The following ZBTB8B variants were observed in gnomAD, a reference collection of about 807,000 sequenced individuals.
The protein encoded by ZBTB8B is zinc finger and BTB domain-containing protein 8B.
Under a neutral mutation model 30.3 loss-of-function variants are expected in ZBTB8B, and 17 were observed. The ratio of observed to expected loss-of-function variants is 0.56; its 90% CI spans 0.38 to 0.84. The LOEUF is 0.84. Ranked by LOEUF, ZBTB8B falls within the 40% of genes least tolerant of loss-of-function variation. ZBTB8B has a pLI of 0.00. For synonymous variants in ZBTB8B, 248 were observed against 255.6 expected (o/e 0.97, Z 0.28); for missense variants, 515 against 644.9 (o/e 0.80, Z 2.18).
chr1:32,496,502 T>C lies in ZBTB8B; in HGVS notation c.*11084T>C, dbSNP rs1053461379. ...TCTTGACCATTAAAAAAATAGCAAC[T>C]GATACCTTGTTTAACAAGTAAGACA... On this transcript the variant is annotated 3_prime_UTR_variant, in exon 4 of 4. Transcript: ENST00000609129. 3.9e-4 allele frequency: 59 copies of C among 152,326 alleles called. No individual in the cohort carries two copies. Among genetic ancestry groups the C allele is most frequent in the African/African-American group, 1.4e-3 (57 of 41,570 alleles). The allele number at this position is 152,326 out of a possible 1,614,324, so 9.4% of individuals were successfully genotyped here.
rs111793394 is a variant in ZBTB8B, at chr1:32,467,143, A to G, written c.-42+2038A>G. 9.2e-3 allele frequency among the ~76,000 whole-genome samples: 1,401 copies of G among 152,248 alleles called. 23 individuals are homozygous for G. Among genetic ancestry groups the G allele is most frequent in the African/African-American group, 0.031 (1,304 of 41,542 alleles). On this transcript the variant is annotated intron_variant, in intron 1 of 3. Coordinates refer to ENST00000609129, the MANE Select transcript of ZBTB8B (RefSeq NM_001145720.2). ...TGCACTCCAGCCTGGGTAACAAAGT[A>G]AGACCCCGTCTCAAAAGAAAAGAAA...
chr1:32,476,238 T>C (rs1313849200), intron 2 of ZBTB8B, among the ~76,000 whole-genome samples: 1 of 152,104 alleles, frequency 6.6e-6, no homozygotes, highest in African/African-American at 2.4e-5. Flanking sequence ...TGGGCTCAAG[T>C]GGTCCTCCTG....
At chr1:32,475,293 A>C (rs1287415034) in intron 2 of ZBTB8B, among the ~76,000 whole-genome samples, 3 of 152,204 alleles carry the variant, frequency 2.0e-5, no homozygotes, top group Non-Finnish European at 4.4e-5. Flanking sequence ...GATAAGACAC[A>C]AATGTGGGCC....
At chr1:32,481,863 G>A (rs886203027) in intron 3 of ZBTB8B, among the ~76,000 whole-genome samples, 3 of 152,056 alleles carry the variant, frequency 2.0e-5, no homozygotes, top group Non-Finnish European at 4.4e-5. Flanking sequence ...GTTGTATTTG[G>A]TTTTCTGTTC....
chr1:32,483,302 G>A (rs1192284312), intron 3 of ZBTB8B, among the ~76,000 whole-genome samples: 2 of 146,116 alleles, frequency 1.4e-5, no homozygotes, highest in East Asian at 4.0e-4. Context: ...GCACGCGCCT[G>A]TAGTCCCAGC....
chr1:32,475,479 G>A (rs1351240822), intron 2 of ZBTB8B, among the ~76,000 whole-genome samples: 5 of 152,116 alleles, frequency 3.3e-5, no homozygotes, highest in African/African-American at 9.7e-5. Context: ...CCAGCTACTC[G>A]GGAGGCTGAG....
Position 32,485,583 on chromosome 1 carries a change from C to T in ZBTB8B, c.*165C>T, listed in dbSNP as rs1487052905. 1.3e-6 allele frequency: 1 copy of T among 742,756 alleles called. No homozygotes were observed. The highest frequency in any genetic ancestry group is 1.8e-5 in the African/African-American group (1 of 56,340). The allele number at this position is 742,756 out of a possible 1,614,324, so 46.0% of individuals were successfully genotyped here. A position where few individuals can be genotyped will look rare whatever the true frequency, so the allele number is the denominator to read the frequency against. On this transcript the variant is annotated 3_prime_UTR_variant, in exon 4 of 4. Transcript: ENST00000609129. ...ATCTGATAGAGGTTGGATTTTGTGA[C>T]TCAAAGGACAGATAACCTTTTTGTG... is the stretch of plus-strand genomic sequence containing the variant.
Position 32,494,048 on chromosome 1 carries a change from C to CAAA in ZBTB8B, c.*8632_*8634dup, listed in dbSNP as rs1175931644. ...AAACCCCATCTCTACTAAAAATATA[C>CAAA]AAAATTAGCCTGTAATTCCAGCTAC... On this transcript the variant is annotated 3_prime_UTR_variant, in exon 4 of 4. Transcript: ENST00000609129. 1 of 151,510 alleles carries CAAA rather than the reference C, an allele frequency of 6.6e-6. No homozygotes were observed. The highest frequency in any genetic ancestry group is 1.5e-5 in the Non-Finnish European group (1 of 67,858). 9.4% of individuals were successfully genotyped at this position (151,510 alleles called of 1,614,324 possible).
In ZBTB8B at chr1:32,465,837, G is replaced by A. The variant is rs551511008; in HGVS notation, c.-42+732G>A. ...TCTCAGTTCCTCCTCTGAAAAAGAG[G>A]ATGTAGTTAGAGTATCTGTCGTACT... On this transcript the variant is annotated intron_variant, in intron 1 of 3. Transcript: ENST00000609129. The surrounding 1 kb of genome is among the most constrained non-coding windows in gnomAD (Gnocchi z 4.1). 3.9e-5 allele frequency among the ~76,000 whole-genome samples: 6 copies of A among 152,096 alleles called. No individual in the cohort carries two copies. Among genetic ancestry groups the A allele is most frequent in the Non-Finnish European group, 7.3e-5 (5 of 68,028 alleles).
At position 32,481,007 on chromosome 1, in the gene ZBTB8B, C is replaced by T. The variant is rs1643700529; in HGVS notation, c.1108C>T (p.Pro370Ser). The change falls in exon 3 of 4, where the codon CCC becomes TCC. Residue 370 changes from proline to serine, a missense_variant. Pro to Ser is a moderately conservative substitution (Grantham distance 74, BLOSUM62 -1). This residue lies in a region of ZBTB8B where 429 missense variants were observed against 504.3 expected (regional missense o/e 0.85). Transcript: ENST00000609129. ...IRSHTGERPY[P>S]CETCGKRFTR... ...TTCACACACAGGCGAGCGGCCCTAC[C>T]CCTGTGAGACCTGCGGCAAGAGGTT... 2 of 1,552,234 alleles carry T rather than the reference C, an allele frequency of 1.3e-6. No individual in the cohort carries two copies. Among genetic ancestry groups the T allele is most frequent in the Admixed American group, 2.0e-5 (1 of 51,020 alleles).
chr1:32,479,353 G>A (rs945704427), intron 2 of ZBTB8B, among the ~76,000 whole-genome samples: 11 of 151,880 alleles, frequency 7.2e-5, no homozygotes, highest in Non-Finnish European at 1.3e-4. Context: ...GTGAAACCCC[G>A]CCTTTACTAA....
At position 32,494,461 on chromosome 1, in the gene ZBTB8B, G is replaced by A. The variant is rs1011659528; in HGVS notation, c.*9043G>A. On this transcript the variant is annotated 3_prime_UTR_variant, in exon 4 of 4. Transcript: ENST00000609129. ...GGTATCCATCAGACCAGAGGCACAG[G>A]AGAGGAAAATGCTGTTTTGGCCTCA... 4.6e-5 allele frequency: 7 copies of A among 152,280 alleles called. No homozygotes were observed. The East Asian group carries it at 1.4e-3, about 29-fold the overall frequency. The allele number at this position is 152,280 out of a possible 1,614,324, so 9.4% of individuals were successfully genotyped here. A position where few individuals can be genotyped will look rare whatever the true frequency, so the allele number is the denominator to read the frequency against.
intron 3 of ZBTB8B, 32 bp downstream of exon 3, chr1:32,481,101 C>A: frequency 6.6e-7 from 1 of 1,520,394 alleles, no homozygotes; most frequent in Non-Finnish European, 8.9e-7. Context: ...GCCCTTGTGG[C>A]AAGAGCTATT....
chr1:32,480,929 C>A lies in ZBTB8B; in HGVS notation c.1030C>A (p.Pro344Thr). The change falls in exon 3 of 4, where the codon CCT (proline) becomes ACT (threonine). Residue 344 changes from proline (P) to threonine (T), a missense_variant. This residue lies in a region of ZBTB8B where 429 missense variants were observed against 504.3 expected (regional missense o/e 0.85). Coordinates refer to ENST00000609129, the MANE Select transcript of ZBTB8B (RefSeq NM_001145720.2). ...GGTCCCCATCAAGCTCCACAAGTGT[C>A]CTTTCTGCCCTTACACTGCCAAACA... ...LVVPIKLHKC[P>T]FCPYTAKQKG... 5 of 1,552,052 alleles carry A rather than the reference C, an allele frequency of 3.2e-6. No individual in the cohort carries two copies. Among genetic ancestry groups the A allele is most frequent in the Non-Finnish European group, 4.4e-6 (5 of 1,147,064 alleles).
Position 32,485,347 on chromosome 1 carries a change from C to G in ZBTB8B, c.1417C>G (p.Pro473Ala). The G allele has an allele frequency of 7.7e-6, 12 of 1,552,116 alleles. No individual in the cohort carries two copies. Among genetic ancestry groups the G allele is most frequent in the South Asian group, 3.6e-5 (3 of 84,054 alleles). ...IYVESGEENDPAGDDSDDKPQ... is the reference protein window; with the variant it reads ...IYVESGEENDAAGDDSDDKPQ... ...TGTGGAGTCGGGTGAGGAAAATGAC[C>G]CTGCTGGAGATGATTCTGATGACAA... Residue 473 changes from proline to alanine, a missense_variant, in exon 4 of 4, where the codon CCT becomes GCT. Transcript: ENST00000609129.
chr1:32,473,486 TTC>T (rs1447910519), intron 2 of ZBTB8B, among the ~76,000 whole-genome samples: 11 of 150,846 alleles, frequency 7.3e-5, no homozygotes, highest in Non-Finnish European at 1.2e-4. Context: ...GCTATTTTTA[TTC>T]ATTACTAAAT....
intron 3 of ZBTB8B, among the ~76,000 whole-genome samples, chr1:32,483,183 G>A (rs1222388223): frequency 5.5e-5 from 8 of 144,250 alleles, no homozygotes; most frequent in Non-Finnish European, 9.0e-5. Flanking sequence ...CGGATCATCC[G>A]AGGTCAGGAG....
intron 2 of ZBTB8B, among the ~76,000 whole-genome samples, chr1:32,479,003 C>T (rs1428169901): frequency 6.6e-6 from 1 of 152,114 alleles, no homozygotes; most frequent in African/African-American, 2.4e-5. Context: ...TACCACAATC[C>T]TGTGAGGTGG....
At chr1:32,485,009 G>T (rs1397930833) in intron 3 of ZBTB8B, 92 bp from the exon 4 acceptor site, 1 of 1,249,632 alleles carries the variant, frequency 8.0e-7, no homozygotes, top group African/African-American at 1.5e-5. Flanking sequence ...AAGGAATCGG[G>T]AGGATCAGGC....
Sources: gnomAD v4.1 joint callset for allele counts (sites outside exome capture counted in the v4.1 genomes callset) on GRCh38, gnomAD v4.1.1 for gene constraint, gnomAD v4.1.1 regional missense constraint, Gnocchi (gnomAD v3.1) non-coding constraint, MANE v1.5 for transcripts, NCBI Gene and HGNC (gene_info 2026-07-23, HGNC 2026-07-21) for gene names.